Variants in CD53 observed in about 807,000 individuals in gnomAD.
CD53 encodes the protein leukocyte surface antigen CD53.
Under a neutral mutation model 27.3 loss-of-function variants are expected in CD53, and 20 were observed. The ratio of observed to expected loss-of-function variants is 0.73; its 90% CI spans 0.52 to 1.07. The LOEUF is 1.07. Among genes scored for constraint, CD53 ranks in the 50% least tolerant of loss-of-function variants. The pLI is 0.00. For synonymous variants in CD53, 106 were observed against 105.3 expected (o/e 1.01, Z -0.04); for missense variants, 216 against 264.0 (o/e 0.82, Z 1.26).
rs763843092 is a variant in CD53, at chr1:110,896,694, T to A, written c.465T>A (p.Ser155Arg). The A allele has an allele frequency of 1.9e-6, 3 of 1,613,698 alleles. No homozygotes were observed. The highest frequency in any genetic ancestry group is 1.1e-5 in the South Asian group (1 of 91,012). ...TAAATGGCACGAGTGATTGGACCAG[T>A]GGCCCACCAGCATCTTGCCCCTCAG... is the stretch of plus-strand genomic sequence containing the variant. ...CGINGTSDWT[S>R]GPPASCPSDR... Residue 155 changes from serine to arginine, a missense_variant, in exon 6 of 8, where the codon AGT becomes AGA. Physicochemically the swap from Ser to Arg is moderately radical, Grantham distance 110. Transcript: ENST00000271324.
At chr1:110,897,106 G>C (rs1033013214) in intron 6 of CD53, among the ~76,000 whole-genome samples, 1 of 152,156 alleles carries the variant, frequency 6.6e-6, no homozygotes, top group African/African-American at 2.4e-5. Context: ...CTCTTTCTCT[G>C]CTCTTCTTCC....
chr1:110,886,867 A>ATTTTT (rs1275613699), intron 1 of CD53, among the ~76,000 whole-genome samples: 5,307 of 41,024 alleles, frequency 0.13, 164 homozygotes, highest in Non-Finnish European at 0.17. Context: ...ATATATATAT[A>ATTTTT]TATTTTTTTT....
rs777666482 is a variant in CD53 at position 110,891,502 on chromosome 1, C to T, written c.63+31C>T. 7.7e-6 allele frequency: 12 copies of T among 1,551,262 alleles called. No homozygotes were observed. The African/African-American group carries it at 1.6e-4, about 21-fold the overall frequency. ...TGTATCTCTTCTGAGCACGGTTTAGCTCACCTTTACCCAGCTAAGCTCTCC... is the reference window on the plus strand; with the variant it reads ...TGTATCTCTTCTGAGCACGGTTTAGTTCACCTTTACCCAGCTAAGCTCTCC... On this transcript the variant is annotated intron_variant, in intron 2 of 7. Coordinates refer to ENST00000271324, the MANE Select transcript of CD53 (RefSeq NM_000560.4).
chr1:110,889,946 A>G (rs1267641535), intron 1 of CD53, among the ~76,000 whole-genome samples: 1 of 152,186 alleles, frequency 6.6e-6, no homozygotes, highest in East Asian at 1.9e-4. Context: ...AAAAGAGGGG[A>G]AAAGAGCACA....
At position 110,886,871 on chromosome 1, in the gene CD53, T is replaced by TATATA. The variant is rs1243346959; in HGVS notation, c.-17-4521_-17-4520insATATA. On this transcript the variant is annotated intron_variant, in intron 1 of 7. Transcript: ENST00000271324. ...AATATATATATATATATATATATAT[T>TATATA]TTTTTTTTCTGTCTGTGTTTCTTTG... Among the ~76,000 whole-genome samples the TATATA allele has an allele frequency of 6.8e-4, 52 of 76,078 alleles. 1 individual carries two copies. Among genetic ancestry groups the TATATA allele is most frequent in the African/African-American group, 1.0e-3 (29 of 28,068 alleles). 49.9% of individuals were successfully genotyped at this position (76,078 alleles called of 152,430 possible).
intron 7 of CD53, among the ~76,000 whole-genome samples, chr1:110,898,144 G>A (rs1570914708): frequency 6.6e-6 from 1 of 152,114 alleles, no homozygotes; most frequent in African/African-American, 2.4e-5. Flanking sequence ...TTGGGAGGCT[G>A]AGGCAGGCAG....
intron 1 of CD53, among the ~76,000 whole-genome samples, chr1:110,879,038 T>A (rs1397686547): frequency 2.0e-5 from 3 of 152,020 alleles, no homozygotes; most frequent in Non-Finnish European, 4.4e-5. Context: ...TGTTTTTTTA[T>A]TTTTTTTACA....
chr1:110,886,142 C>T (rs1452649156), intron 1 of CD53, among the ~76,000 whole-genome samples: 1 of 151,974 alleles, frequency 6.6e-6, no homozygotes, highest in Non-Finnish European at 1.5e-5. Flanking sequence ...TTTAGTATGA[C>T]AATTTTTTTT....
At chr1:110,893,393 G>A (rs1268971020) in intron 3 of CD53, among the ~76,000 whole-genome samples, 2 of 152,174 alleles carry the variant, frequency 1.3e-5, no homozygotes, top group Non-Finnish European at 1.5e-5. Flanking sequence ...CATGATCTCA[G>A]CTCACCACAG....
chr1:110,873,353 C>A (rs1244865947), intron 1 of CD53, 105 bp downstream of exon 1: 1 of 152,620 alleles, frequency 6.6e-6, no homozygotes, highest in East Asian at 1.9e-4. Context: ...TCTCCGGCAA[C>A]TTCTCTTTCA....
At chr1:110,898,892 A>G (rs1173385211) in intron 7 of CD53, among the ~76,000 whole-genome samples, 2 of 152,100 alleles carry the variant, frequency 1.3e-5, no homozygotes, top group Non-Finnish European at 2.9e-5. Flanking sequence ...AGAAGATAAA[A>G]CATGCTCCAG....
chr1:110,885,365 C>T (rs1416191524), intron 1 of CD53, among the ~76,000 whole-genome samples: 3 of 151,770 alleles, frequency 2.0e-5, no homozygotes, highest in Non-Finnish European at 4.4e-5. Context: ...GGGGAAACCC[C>T]GTCTCTATTA....
intron 3 of CD53, 144 bp downstream of exon 3, chr1:110,892,677 C>T (rs1186030749): frequency 2.6e-5 from 18 of 704,802 alleles, no homozygotes; most frequent in Non-Finnish European, 3.9e-5. Flanking sequence ...CAAGTCTGCC[C>T]AGACCAATAG....
At chr1:110,879,188 G>T (rs972425581) in intron 1 of CD53, among the ~76,000 whole-genome samples, 2 of 152,142 alleles carry the variant, frequency 1.3e-5, no homozygotes, top group African/African-American at 4.8e-5. Flanking sequence ...GTCTGAACTT[G>T]ATCTTTCAGT....
chr1:110,884,045 C>T (rs1656467521), intron 1 of CD53, among the ~76,000 whole-genome samples: 1 of 151,794 alleles, frequency 6.6e-6, no homozygotes, highest in Non-Finnish European at 1.5e-5. Flanking sequence ...TATCTACTTC[C>T]TTCTGCTTAT....
intron 2 of CD53, among the ~76,000 whole-genome samples, chr1:110,891,920 A>G (rs1197492069): frequency 6.6e-6 from 1 of 152,262 alleles, no homozygotes; most frequent in African/African-American, 2.4e-5. Flanking sequence ...GTACTTGTGT[A>G]TATGAGAAGA....
chr1:110,873,039 C>A (rs529525604), upstream of CD53: 44 of 152,728 alleles, frequency 2.9e-4, no homozygotes, highest in African/African-American at 1.0e-3. Context: ...AGTACTAAAT[C>A]TCTGAGACTA....
intron 1 of CD53, among the ~76,000 whole-genome samples, chr1:110,888,010 A>G (rs2154185): frequency 0.43 from 66,103 of 151,964 alleles, 15,834 homozygotes; most frequent in Admixed American, 0.56. Flanking sequence ...ATGAAGCAGG[A>G]GATAAGAGTG....
At chr1:110,889,710 A>T (rs1264758730) in intron 1 of CD53, among the ~76,000 whole-genome samples, 2 of 152,184 alleles carry the variant, frequency 1.3e-5, no homozygotes, top group Non-Finnish European at 2.9e-5. Context: ...CCCGTTTTAC[A>T]TAGGAAGAAA....
Sources: gnomAD v4.1 joint callset for allele counts (sites outside exome capture counted in the v4.1 genomes callset) on GRCh38, gnomAD v4.1.1 for gene constraint, MANE v1.5 for transcripts, NCBI Gene and HGNC (gene_info 2026-07-23, HGNC 2026-07-21) for gene names.